The following EIF3F variants were observed in gnomAD, a reference collection of about 807,000 sequenced individuals.
The protein encoded by EIF3F is eukaryotic translation initiation factor 3 subunit F, also known as deubiquitinating enzyme eIF3f.
Under a neutral mutation model 36.0 loss-of-function variants are expected in EIF3F, and 8 were observed. The ratio of observed to expected loss-of-function variants is 0.22; its 90% CI spans 0.13 to 0.40. The LOEUF (loss-of-function observed/expected upper bound fraction) is 0.40. Ranked by LOEUF, EIF3F falls within the 10% of genes least tolerant of loss-of-function variation. EIF3F has a pLI of 1.00. For missense variants in EIF3F, 430 were observed against 467.6 expected, an observed-to-expected ratio of 0.92 and a Z score of 0.74; for synonymous variants, 184 against 188.5, an observed-to-expected ratio of 0.98 and a Z score of 0.19.
chr11:7,994,932 C>A (rs778298586), intron 5 of EIF3F, 50 bp from the exon 6 acceptor site: 5 of 1,602,768 alleles, frequency 3.1e-6, no homozygotes, highest in African/African-American at 1.3e-5. Flanking sequence ...TGAATTCTCT[C>A]TCTTACTGCC....
At position 7,995,886 on chromosome 11, in the gene EIF3F, A is replaced by G. The variant is rs1942154626; in HGVS notation, c.997-59A>G. ...GTCTACCATAGAGCTGGCCAAAGCCAGCCTTTTTGCTCCCTTTCCACCCAA... is the reference window on the plus strand; with the variant it reads ...GTCTACCATAGAGCTGGCCAAAGCCGGCCTTTTTGCTCCCTTTCCACCCAA... On this transcript the variant is annotated intron_variant, in intron 7 of 7. Coordinates refer to ENST00000651655, the MANE Select transcript of EIF3F (RefSeq NM_003754.3). 2.7e-6 allele frequency: 4 copies of G among 1,478,804 alleles called. No individual in the cohort carries two copies. The Admixed American group carries it at 6.7e-5, about 25-fold the overall frequency. 91.6% of individuals were successfully genotyped at this position (1,478,804 alleles called of 1,614,324 possible).
intron 1 of EIF3F, chr11:7,988,002 T>G (rs1399627742): frequency 3.1e-6 from 1 of 322,232 alleles, no homozygotes; most frequent in African/African-American, 2.1e-5. Flanking sequence ...TGGTTTACAT[T>G]TATGCCAGTG....
intron 4 of EIF3F, 38 bp downstream of exon 4, chr11:7,993,062 G>A (rs1444833804): frequency 2.0e-6 from 3 of 1,515,096 alleles, no homozygotes; most frequent in Non-Finnish European, 2.6e-6. Context: ...ATAAAACCAT[G>A]CCCAGATGCC....
rs745998594 is a variant in EIF3F, at chr11:7,987,429, T to C, written c.77T>C (p.Val26Ala). The change falls in exon 1 of 8, where the codon GTT becomes GCT. Residue 26 changes from valine to alanine, a missense_variant. Around this residue, in one of 2 missense-constraint regions of EIF3F, gnomAD observed 168 missense variants for 120.2 expected, o/e 1.40. Coordinates refer to ENST00000651655, the MANE Select transcript of EIF3F (RefSeq NM_003754.3). Reference sequence around the variant, plus strand: ...GTCCCGGCGGCGGCCCCAGCCTCAGTTCCAGCGCCAACGCCAGCACCGGCT... The same window carrying C: ...GTCCCGGCGGCGGCCCCAGCCTCAGCTCCAGCGCCAACGCCAGCACCGGCT... ...TPVPAAAPAS[V>A]PAPTPAPAAA... The C allele has an allele frequency of 2.5e-6, 4 of 1,602,248 alleles. No individual in the cohort carries two copies. In the African/African-American group the frequency reaches 5.3e-5, roughly 21 times the overall value.
At chr11:7,992,663 A>C in intron 3 of EIF3F, 1 of 578,972 alleles carries the variant, frequency 1.7e-6, no homozygotes. Flanking sequence ...GGGCCAGGAT[A>C]TTTCGAATTA....
chr11:7,992,123 C>A lies in EIF3F; in HGVS notation c.475C>A (p.Leu159Met), dbSNP rs1480868799. The A allele has an allele frequency of 1.2e-6, 2 of 1,613,860 alleles. No homozygotes were observed. Among genetic ancestry groups the A allele is most frequent in the South Asian group, 2.2e-5 (2 of 91,072 alleles). The change falls in exon 3 of 8, where the codon CTG (leucine) becomes ATG (methionine). Residue 159 changes from leucine (L) to methionine (M), a missense_variant. Leu to Met is a conservative substitution (Grantham distance 15). Around this residue, in one of 2 missense-constraint regions of EIF3F, gnomAD observed 262 missense variants for 347.4 expected, o/e 0.75. Transcript: ENST00000651655. ...DMEFAKNMYE[L>M]HKKVSPNELI... The stretch of plus-strand genomic sequence containing the variant: ...GGAATTTGCTAAGAATATGTATGAA[C>A]TGCATAAAAAAGTTTCTCCAAATGA...
intron 1 of EIF3F, among the ~76,000 whole-genome samples, chr11:7,991,528 C>G (rs150967602): frequency 6.6e-6 from 1 of 152,138 alleles, no homozygotes; most frequent in African/African-American, 2.4e-5. Flanking sequence ...GAGTAACAGG[C>G]AAAAGGAGAC....
intron 3 of EIF3F, 67 bp downstream of exon 3, chr11:7,992,230 A>G (rs1165912506): frequency 5.2e-6 from 7 of 1,340,914 alleles, no homozygotes; most frequent in East Asian, 2.3e-5. Context: ...GTCTTTTGCT[A>G]CTGGACTGGA....
Position 7,998,255 on chromosome 11 carries a change from A to C in EIF3F, c.*2233A>C, listed in dbSNP as rs1255394945. 6.6e-6 allele frequency: 1 copy of C among 152,154 alleles called. No individual in the cohort carries two copies. The highest frequency in any genetic ancestry group is 2.4e-5 in the African/African-American group (1 of 41,430). The allele number at this position is 152,154 out of a possible 1,614,324, so 9.4% of individuals were successfully genotyped here. A position where few individuals can be genotyped will look rare whatever the true frequency, so the allele number is the denominator to read the frequency against. On this transcript the variant is annotated 3_prime_UTR_variant, in exon 8 of 8. Coordinates refer to ENST00000651655, the MANE Select transcript of EIF3F (RefSeq NM_003754.3). Reference sequence around the variant, plus strand: ...AGTTTCATCAACCCATCAGTACATAAACTTGTTACATGTGTTTCTGTTTGA... The same window carrying C: ...AGTTTCATCAACCCATCAGTACATACACTTGTTACATGTGTTTCTGTTTGA...
chr11:7,991,748 T>TA, intron 1 of EIF3F, 33 bp from the exon 2 acceptor site: 1 of 1,611,170 alleles, frequency 6.2e-7, no homozygotes, highest in South Asian at 1.1e-5. Context: ...GCCCTAGGAT[T>TA]ATATAACACA....
At chr11:7,988,372 A>G (rs1942052955) in intron 1 of EIF3F, among the ~76,000 whole-genome samples, 1 of 152,020 alleles carries the variant, frequency 6.6e-6, no homozygotes, top group Non-Finnish European at 1.5e-5. Context: ...CTGTTCCCCC[A>G]TTTTGCATTT....
chr11:7,988,229 A>AT (rs1225246706), intron 1 of EIF3F, among the ~76,000 whole-genome samples: 2 of 152,224 alleles, frequency 1.3e-5, no homozygotes, highest in Non-Finnish European at 2.9e-5. Context: ...TTGTAAAAAA[A>AT]CATTCCTCCC....
In EIF3F at chr11:7,993,542, C is replaced by G. The variant is rs531727210; in HGVS notation, c.653+518C>G. On this transcript the variant is annotated intron_variant, in intron 4 of 7. Coordinates refer to ENST00000651655, the MANE Select transcript of EIF3F (RefSeq NM_003754.3). ...GTTGAGCTTGCAGGTGGTTAAAATG[C>G]CAGTTATGGGGGATGTTGGGAAAGG... Among the ~76,000 whole-genome samples the G allele has an allele frequency of 1.5e-3, 228 of 152,158 alleles. 2 individuals are homozygous for G. The highest frequency in any genetic ancestry group is 5.3e-3 in the African/African-American group (219 of 41,506).
chr11:7,990,900 T>TAAAAAAAA (rs71059142), intron 1 of EIF3F, among the ~76,000 whole-genome samples: 92 of 136,970 alleles, frequency 6.7e-4, no homozygotes, highest in South Asian at 6.1e-3. Flanking sequence ...AATAAATAAA[T>TAAAAAAAA]AAAAGAAATA....
At chr11:7,993,943 T>TAG (rs1942130635) in intron 4 of EIF3F, among the ~76,000 whole-genome samples, 1 of 151,360 alleles carries the variant, frequency 6.6e-6, no homozygotes, top group African/African-American at 2.4e-5. Context: ...TAGTAAAGTA[T>TAG]AGATCCAGGT....
intron 2 of EIF3F, 42 bp downstream of exon 2, chr11:7,991,893 T>G (rs777260376): frequency 6.2e-7 from 1 of 1,610,364 alleles, no homozygotes; most frequent in South Asian, 1.1e-5. Context: ...TTTTTAGCTG[T>G]TCATTTGCTC....
At position 8,001,089 on chromosome 11, in the gene EIF3F, A is replaced by G. The variant is rs1942215762; in HGVS notation, c.*5067A>G. The G allele has an allele frequency of 6.6e-6, 1 of 152,240 alleles. No homozygotes were observed. The highest frequency in any genetic ancestry group is 2.1e-4 in the South Asian group (1 of 4,834). The allele number at this position is 152,240 out of a possible 1,614,324, so 9.4% of individuals were successfully genotyped here. A position where few individuals can be genotyped will look rare whatever the true frequency, so the allele number is the denominator to read the frequency against. On this transcript the variant is annotated 3_prime_UTR_variant, in exon 8 of 8. Coordinates refer to ENST00000651655, the MANE Select transcript of EIF3F (RefSeq NM_003754.3). ...TTTTTTAAGGCCAGTAATTTGATAC[A>G]TTAGTGTGTAAAGGATATGACCAGA...
Position 7,992,998 on chromosome 11 carries a change from C to A in EIF3F, c.627C>A (p.Gly209=). The change falls in exon 4 of 8, where the codon GGC becomes GGA. Residue 209 remains glycine, a synonymous_variant. Transcript: ENST00000651655. ...HLTVDTSLQN[G]RMSIKAYVST... ...CTGTGGACACAAGTCTCCAGAACGG[C>A]CGCATGAGCATCAAAGCCTACGTCA... 6.2e-7 allele frequency: 1 copy of A among 1,606,706 alleles called. No individual in the cohort carries two copies. The highest frequency in any genetic ancestry group is 8.5e-7 in the Non-Finnish European group (1 of 1,176,094).
At chr11:7,994,657 A>T (rs1942141184) in intron 5 of EIF3F, 140 bp downstream of exon 5, 1 of 787,754 alleles carries the variant, frequency 1.3e-6, no homozygotes, top group South Asian at 1.9e-5. Flanking sequence ...TAGAAGTCAC[A>T]GTCATCTCTT....
Sources: allele counts gnomAD v4.1 joint callset (sites outside exome capture counted in the v4.1 genomes callset), GRCh38; gene constraint gnomAD v4.1.1; regional missense constraint gnomAD v4.1.1; transcripts MANE v1.5; gene names NCBI Gene and HGNC (gene_info 2026-07-23, HGNC 2026-07-21).